Variants in SLC17A1 observed in about 807,000 individuals in gnomAD.
SLC17A1 encodes the protein sodium-dependent phosphate transport protein 1.
Under a neutral mutation model 53.5 loss-of-function variants are expected in SLC17A1, and 51 were observed. The observed-to-expected ratio is 0.95, with a 90% CI of 0.76 to 1.20. The LOEUF is 1.20. Ranked by LOEUF, SLC17A1 falls within the 50% of genes most tolerant of loss-of-function variation. SLC17A1 has a pLI of 0.00. For synonymous variants in SLC17A1, 179 were observed against 198.8 expected (o/e 0.90, Z 0.84); for missense variants, 538 against 568.2 (o/e 0.95, Z 0.54).
the SLC17A1 span, chr6:25,773,358 G>C: frequency 6.2e-7 from 1 of 1,613,924 alleles, no homozygotes; most frequent in South Asian, 1.1e-5. Context: ...CAGTGCTGGT[G>C]AGAAGAGATA....
At chr6:25,727,295 C>CTT in the SLC17A1 span, 1 of 1,584,600 alleles carries the variant, frequency 6.3e-7, no homozygotes, top group East Asian at 2.2e-5. Context: ...CCAAGTAAGC[C>CTT]TGCTAAGTAA....
chr6:25,807,907 G>A (rs557767691), intron 10 of SLC17A1, among the ~76,000 whole-genome samples: 4 of 151,896 alleles, frequency 2.6e-5, no homozygotes, highest in South Asian at 2.1e-4. Flanking sequence ...TTGCAATTGC[G>A]AATTGTGCTG....
In SLC17A1 at chr6:25,811,757, G is replaced by A. The variant is rs917761889; in HGVS notation, c.911C>T (p.Ser304Phe). The A allele has an allele frequency of 3.1e-6, 5 of 1,613,570 alleles. No individual in the cohort carries two copies. The highest frequency in any genetic ancestry group is 4.2e-6 in the Non-Finnish European group (5 of 1,179,710). The change falls in exon 9 of 13, where the codon TCT becomes TTT. Residue 304 changes from serine (S) to phenylalanine (F), a missense_variant. Transcript: ENST00000244527. ...CCAGGCAAACAAATAGGGAAGGGAA[G>A]ACAAGAACCCATTCTGAAGAGGAAA... ...HVNIKENGFL[S>F]SLPYLFAWIC... is the part of the protein sequence containing the mutation.
chr6:25,736,171 C>T, the SLC17A1 span, among the ~76,000 whole-genome samples: 2 of 152,092 alleles, frequency 1.3e-5, no homozygotes, highest in Non-Finnish European at 2.9e-5. Context: ...TCTCTGAGGA[C>T]TTCAGTCCCA....
chr6:25,796,667 C>T (rs979293503), intron 12 of SLC17A1, among the ~76,000 whole-genome samples: 1 of 152,038 alleles, frequency 6.6e-6, no homozygotes, highest in East Asian at 1.9e-4. Context: ...TGTTAACTGG[C>T]TATTTTTGTT....
chr6:25,787,463 A>T (rs1763408836), intron 12 of SLC17A1, among the ~76,000 whole-genome samples: 1 of 152,190 alleles, frequency 6.6e-6, no homozygotes, highest in African/African-American at 2.4e-5. Context: ...ATCCCTATAA[A>T]CTTTACAAAA....
At chr6:25,803,863 A>G (rs555614571) in intron 10 of SLC17A1, among the ~76,000 whole-genome samples, 2 of 152,260 alleles carry the variant, frequency 1.3e-5, no homozygotes, top group South Asian at 2.1e-4. Flanking sequence ...AATTATCTTA[A>G]TTACTCTATG....
At chr6:25,726,783 TTACTTGGCGA>T in the SLC17A1 span, 2 of 1,269,902 alleles carry the variant, frequency 1.6e-6, no homozygotes, top group South Asian at 3.0e-5. Context: ...TTCTGTTTGT[TTACTTGGCGA>T]GACTTGGAGC....
chr6:25,793,907 A>G (rs56777435), intron 12 of SLC17A1, among the ~76,000 whole-genome samples: 16,656 of 152,174 alleles, frequency 0.11, 1,710 homozygotes, highest in African/African-American at 0.28. Context: ...AAATCCTTCA[A>G]GTTGGATGCT....
chr6:25,762,926 T>C, the SLC17A1 span, among the ~76,000 whole-genome samples: 45,371 of 152,070 alleles, frequency 0.3, 7,742 homozygotes, highest in East Asian at 0.74. Flanking sequence ...GTCTCTCCCT[T>C]AAAATTAATA....
chr6:25,814,812 C>T (rs562141809), intron 6 of SLC17A1, among the ~76,000 whole-genome samples: 196 of 152,096 alleles, frequency 1.3e-3, no homozygotes, highest in Non-Finnish European at 2.2e-3. Flanking sequence ...GGTGAAGCCC[C>T]GTCTCTTCTA....
chr6:25,809,994 G>A (rs1234739727), intron 10 of SLC17A1, among the ~76,000 whole-genome samples: 2 of 151,994 alleles, frequency 1.3e-5, no homozygotes, highest in African/African-American at 2.4e-5. Flanking sequence ...TGACAGAGGT[G>A]CCAAGAACAC....
chr6:25,789,556 C>A (rs1251910273), intron 12 of SLC17A1, among the ~76,000 whole-genome samples: 2 of 152,036 alleles, frequency 1.3e-5, no homozygotes, highest in African/African-American at 2.4e-5. Flanking sequence ...AAATGAAGAG[C>A]CAGAAATGGT....
At chr6:25,725,656 G>A in the SLC17A1 span, among the ~76,000 whole-genome samples, 1 of 152,138 alleles carries the variant, frequency 6.6e-6, no homozygotes, top group Non-Finnish European at 1.5e-5. Context: ...GTGCAGTGGA[G>A]CAATCAATCT....
chr6:25,775,014 C>A, the SLC17A1 span, among the ~76,000 whole-genome samples: 15,803 of 152,090 alleles, frequency 0.1, 1,040 homozygotes, highest in Middle Eastern at 0.15. Flanking sequence ...CAACAAGGTT[C>A]AACATTTTAA....
chr6:25,738,727 C>T, the SLC17A1 span, among the ~76,000 whole-genome samples: 220 of 152,194 alleles, frequency 1.4e-3, 2 homozygotes, highest in East Asian at 0.018. Context: ...GAACAATATT[C>T]ATGAAGAAAC....
At chr6:25,778,356 CA>C (rs1263659258), downstream of SLC17A1, among the ~76,000 whole-genome samples, 3 of 151,812 alleles carry the variant, frequency 2.0e-5, no homozygotes, top group East Asian at 3.9e-4. Context: ...ACTGGTAAAT[CA>C]GAAAAATAAA....
chr6:25,800,236 T>G (rs1418408272), intron 11 of SLC17A1, among the ~76,000 whole-genome samples: 1 of 151,812 alleles, frequency 6.6e-6, no homozygotes, highest in Admixed American at 6.6e-5. Context: ...CTTCTGCTTG[T>G]TCATTATAAC....
At chr6:25,746,322 G>A in the SLC17A1 span, among the ~76,000 whole-genome samples, 7,391 of 152,114 alleles carry the variant, frequency 0.049, 519 homozygotes, top group African/African-American at 0.15. Context: ...CCTCTTCAAA[G>A]TGCAAGGATG....
Sources: allele counts gnomAD v4.1 joint callset (sites outside exome capture counted in the v4.1 genomes callset), GRCh38; gene constraint gnomAD v4.1.1; transcripts MANE v1.5; gene names NCBI Gene and HGNC (gene_info 2026-07-23, HGNC 2026-07-21).